The following TAFA2 variants were observed in gnomAD, a reference collection of about 807,000 sequenced individuals.
TAFA2 encodes TAFA chemokine like family member 2.
In TAFA2, 7 loss-of-function variants were observed where a neutral mutation model predicts 18.8. The ratio of observed to expected loss-of-function variants is 0.37; its 90% CI spans 0.21 to 0.70. The LOEUF (loss-of-function observed/expected upper bound fraction) is 0.70, where lower values mean the gene tolerates loss of function less well. Ranked by LOEUF, TAFA2 falls within the 30% of genes least tolerant of loss-of-function variation. TAFA2 has a pLI of 0.53. For synonymous variants in TAFA2, 60 were observed against 54.2 expected, an observed-to-expected ratio of 1.11 and a Z score of -0.47; for missense variants, 122 against 158.1, an observed-to-expected ratio of 0.77 and a Z score of 1.23.
intron 1 of TAFA2, among the ~76,000 whole-genome samples, chr12:61,882,402 C>T (rs1054388321): frequency 1.3e-5 from 2 of 152,024 alleles, no homozygotes; most frequent in African/African-American, 4.8e-5. Context: ...CTGGTTTTCT[C>T]AGTTGATTGG....
At chr12:61,780,671 A>G (rs1374404161) in intron 2 of TAFA2, among the ~76,000 whole-genome samples, 2 of 151,626 alleles carry the variant, frequency 1.3e-5, no homozygotes, top group African/African-American at 4.8e-5. Flanking sequence ...AACAATGATT[A>G]GCAAATACAG....
At chr12:62,061,291 T>A (rs1343206891) in intron 1 of TAFA2, among the ~76,000 whole-genome samples, 2 of 152,226 alleles carry the variant, frequency 1.3e-5, no homozygotes, top group Non-Finnish European at 2.9e-5. Context: ...ATTTTAACTC[T>A]ACCTTTTCCA....
At chr12:62,243,239 A>G (rs775827819) in intron 1 of TAFA2, among the ~76,000 whole-genome samples, 11 of 152,210 alleles carry the variant, frequency 7.2e-5, no homozygotes, top group Non-Finnish European at 8.8e-5. Context: ...AGGCTGCTCC[A>G]CTTACTAACC....
At chr12:61,723,018 C>G (rs150470976) in intron 4 of TAFA2, among the ~76,000 whole-genome samples, 1 of 152,144 alleles carries the variant, frequency 6.6e-6, no homozygotes, top group African/African-American at 2.4e-5. Context: ...AATGTCTCCA[C>G]AAAACATGCA....
At chr12:62,218,245 G>A (rs945616051) in intron 1 of TAFA2, among the ~76,000 whole-genome samples, 5 of 151,882 alleles carry the variant, frequency 3.3e-5, no homozygotes, top group Non-Finnish European at 4.4e-5. Flanking sequence ...AATCCTCCCC[G>A]CTCAGCCTCC....
At chr12:62,248,753 T>A (rs2062898272) in intron 1 of TAFA2, among the ~76,000 whole-genome samples, 1 of 152,200 alleles carries the variant, frequency 6.6e-6, no homozygotes, top group Non-Finnish European at 1.5e-5. Context: ...TTATTTTTAA[T>A]TGCGGCAAAA....
chr12:61,839,079 A>G (rs1163531322), intron 2 of TAFA2, among the ~76,000 whole-genome samples: 2 of 152,100 alleles, frequency 1.3e-5, no homozygotes, highest in African/African-American at 2.4e-5. Flanking sequence ...TTTCTCAGAT[A>G]TTAAAACTTG....
At chr12:62,142,072 C>T (rs2062244567) in intron 1 of TAFA2, among the ~76,000 whole-genome samples, 2 of 152,176 alleles carry the variant, frequency 1.3e-5, no homozygotes, top group South Asian at 4.1e-4. Flanking sequence ...GTGCTAGCTA[C>T]CAGTAGGATT....
At chr12:61,904,110 A>G (rs1395489770) in intron 1 of TAFA2, among the ~76,000 whole-genome samples, 1 of 152,146 alleles carries the variant, frequency 6.6e-6, no homozygotes, top group Non-Finnish European at 1.5e-5. Context: ...TTCTGTATCA[A>G]CTACATTATT....
At chr12:62,062,643 C>A (rs1882381378) in intron 1 of TAFA2, among the ~76,000 whole-genome samples, 1 of 152,134 alleles carries the variant, frequency 6.6e-6, no homozygotes, top group African/African-American at 2.4e-5. Context: ...TGACTTAAAA[C>A]AACATAAACT....
At chr12:62,208,883 C>G (rs1029690563) in intron 1 of TAFA2, among the ~76,000 whole-genome samples, 5 of 152,238 alleles carry the variant, frequency 3.3e-5, no homozygotes. Context: ...GTGTGATACA[C>G]AGCCTCCTGT....
intron 1 of TAFA2, among the ~76,000 whole-genome samples, chr12:61,996,022 T>G (rs1880175746): frequency 1.3e-5 from 2 of 152,164 alleles, no homozygotes; most frequent in Admixed American, 6.5e-5. Flanking sequence ...TTAGTTGATT[T>G]TTTTTTCTTT....
chr12:61,981,277 T>C (rs1164732589), intron 1 of TAFA2, among the ~76,000 whole-genome samples: 2 of 152,138 alleles, frequency 1.3e-5, no homozygotes, highest in Non-Finnish European at 2.9e-5. Flanking sequence ...TGAAACTGCA[T>C]CCCTTCCTTA....
intron 1 of TAFA2, among the ~76,000 whole-genome samples, chr12:62,229,576 T>C (rs928979289): frequency 6.6e-6 from 1 of 152,128 alleles, no homozygotes; most frequent in Non-Finnish European, 1.5e-5. Context: ...CTAATCATTA[T>C]CAATTTTCTT....
At chr12:61,909,885 G>T (rs932042930) in intron 1 of TAFA2, among the ~76,000 whole-genome samples, 2 of 152,078 alleles carry the variant, frequency 1.3e-5, no homozygotes, top group Non-Finnish European at 2.9e-5. Context: ...GCTACTAAAA[G>T]GAACAAATAC....
intron 4 of TAFA2, among the ~76,000 whole-genome samples, chr12:61,715,625 T>C (rs1203423053): frequency 1.3e-5 from 2 of 151,760 alleles, no homozygotes; most frequent in Non-Finnish European, 2.9e-5. Context: ...GTGCTAGGTT[T>C]ACAGGCATGA....
At chr12:62,229,315 C>G (rs1332326590) in intron 1 of TAFA2, among the ~76,000 whole-genome samples, 1 of 152,022 alleles carries the variant, frequency 6.6e-6, no homozygotes, top group Non-Finnish European at 1.5e-5. Context: ...GAATGGCTTT[C>G]AATTTTTCCC....
chr12:62,107,874 T>C (rs1869530318), intron 1 of TAFA2, among the ~76,000 whole-genome samples: 1 of 152,226 alleles, frequency 6.6e-6, no homozygotes, highest in Non-Finnish European at 1.5e-5. Context: ...AAAATTATCT[T>C]CTTTTTCCTA....
At position 62,203,117 on chromosome 12, in the gene TAFA2, A is replaced by T. The variant is rs376458549; in HGVS notation, c.-130+55646T>A. On this transcript the variant is annotated intron_variant, in intron 1 of 5. Coordinates refer to the TAFA2 transcript ENST00000551619. ...GCTGAGATTACAGGCATGAGCCACCACACCCATCTTACATGTAGTTATGTG... is the reference window on the plus strand; with the variant it reads ...GCTGAGATTACAGGCATGAGCCACCTCACCCATCTTACATGTAGTTATGTG... 7.9e-5 allele frequency among the ~76,000 whole-genome samples: 12 copies of T among 152,092 alleles called. 1 individual carries two copies. The highest frequency in any genetic ancestry group is 3.3e-4 in the Admixed American group (5 of 15,274).
Sources: gnomAD v4.1 joint callset for allele counts (sites outside exome capture counted in the v4.1 genomes callset) on GRCh38, gnomAD v4.1.1 for gene constraint, MANE v1.5 for transcripts, NCBI Gene and HGNC (gene_info 2026-07-23, HGNC 2026-07-21) for gene names.